Variants in SYNJ2 observed in about 807,000 individuals in gnomAD.
SYNJ2 encodes the protein polyphosphatidylinositol phosphatase SYNJ2.
A neutral mutation model predicts 141.3 loss-of-function variants in SYNJ2; 116 were observed. The observed-to-expected ratio is 0.82, with a 90% CI of 0.71 to 0.96. The LOEUF is 0.96. SYNJ2 is among the 40% of genes least tolerant of loss of function. SYNJ2 has a pLI of 0.00. For synonymous variants in SYNJ2, 745 were observed against 777.7 expected, an observed-to-expected ratio of 0.96 and a Z score of 0.70; for missense variants, 1,873 against 1,934.8, an observed-to-expected ratio of 0.97 and a Z score of 0.60.
At chr6:158,077,953 G>T in intron 17 of SYNJ2, 1 of 434,576 alleles carries the variant, frequency 2.3e-6, no homozygotes, top group Non-Finnish European at 4.2e-6. Flanking sequence ...GCATGGTCAT[G>T]ACTGTTTTGA....
At chr6:158,088,034 A>ATTTTTTTTTTTTTTTTTT (rs568222551) in intron 23 of SYNJ2, among the ~76,000 whole-genome samples, 3 of 31,920 alleles carry the variant, frequency 9.4e-5, no homozygotes, top group Non-Finnish European at 1.4e-4. Flanking sequence ...CTGCTTTGGA[A>ATTTTTTTTTTTTTTTTTT]TTTTTTTTTT....
intron 1 of SYNJ2, among the ~76,000 whole-genome samples, chr6:157,984,859 G>GT (rs1777140867): frequency 6.6e-6 from 1 of 152,186 alleles, no homozygotes; most frequent in Admixed American, 6.5e-5. Flanking sequence ...TTCAGCTGTG[G>GT]TTTTCCTGTG....
intron 7 of SYNJ2, chr6:158,059,579 A>C (rs936801405): frequency 4.8e-5 from 59 of 1,230,512 alleles, no homozygotes; most frequent in Non-Finnish European, 5.9e-5. Flanking sequence ...TTTAAGACAG[A>C]GTTTGGCTCT....
chr6:158,066,299 T>C lies in SYNJ2; in HGVS notation c.1526-145T>C, dbSNP rs138991295. 7.0e-5 allele frequency: 62 copies of C among 889,174 alleles called. No individual in the cohort carries two copies. The East Asian group carries it at 1.6e-3, about 23-fold the overall frequency. 55.1% of individuals were successfully genotyped at this position (889,174 alleles called of 1,614,324 possible). A position where few individuals can be genotyped will look rare whatever the true frequency, so the allele number is the denominator to read the frequency against. On this transcript the variant is annotated intron_variant, in intron 11 of 26. Coordinates refer to ENST00000355585, the MANE Select transcript of SYNJ2 (RefSeq NM_003898.4). ...GTGGTGACCGTGGTTTTAAGCCTTT[T>C]GTCGTCTTCGTAAGGAGCATACCCT...
At chr6:158,089,061 G>A (rs554808537) in intron 24 of SYNJ2, among the ~76,000 whole-genome samples, 1 of 152,234 alleles carries the variant, frequency 6.6e-6, no homozygotes, top group East Asian at 1.9e-4. Context: ...TTGGTGTATG[G>A]GCAGAGCATT....
intron 1 of SYNJ2, among the ~76,000 whole-genome samples, chr6:157,996,095 G>A (rs549368911): frequency 1.3e-5 from 2 of 152,244 alleles, no homozygotes; most frequent in East Asian, 3.9e-4. Flanking sequence ...AAATGTAACA[G>A]GCTGATTTTA....
chr6:157,981,849 C>A (rs1777022671), upstream of SYNJ2: 1 of 971,604 alleles, frequency 1.0e-6, no homozygotes, highest in Non-Finnish European at 1.3e-6. This position sits in a 1 kb window ranked among gnomAD's most constrained non-coding sequence, Gnocchi z 6.4. Context: ...GCGGCGGGAG[C>A]GGCGGCGCAA....
At chr6:158,037,536 G>A (rs2128340858) in intron 4 of SYNJ2, among the ~76,000 whole-genome samples, 1 of 151,736 alleles carries the variant, frequency 6.6e-6, no homozygotes, top group East Asian at 1.9e-4. Context: ...TGAGTAGCTG[G>A]GACTACAGGC....
intron 6 of SYNJ2, among the ~76,000 whole-genome samples, chr6:158,058,290 T>C (rs910277878): frequency 3.9e-5 from 6 of 152,234 alleles, no homozygotes; most frequent in African/African-American, 1.4e-4. Context: ...CTTTTTGCAT[T>C]GTATCATTTC....
intron 5 of SYNJ2, among the ~76,000 whole-genome samples, chr6:158,053,322 C>T (rs1780671465): frequency 6.6e-6 from 1 of 152,220 alleles, no homozygotes; most frequent in Non-Finnish European, 1.5e-5. Context: ...ATGGGAGACA[C>T]TTTGAGACCA....
chr6:158,030,694 C>A (rs1282737678), intron 3 of SYNJ2: 1 of 152,252 alleles, frequency 6.6e-6, no homozygotes, highest in African/African-American at 2.4e-5. Flanking sequence ...CAGTTTGAGA[C>A]CAGCCTGGCC....
chr6:158,074,365 A>T (rs1186111928), intron 15 of SYNJ2, among the ~76,000 whole-genome samples: 1 of 152,150 alleles, frequency 6.6e-6, no homozygotes, highest in Non-Finnish European at 1.5e-5. Flanking sequence ...ACTCAGAAAC[A>T]CTATTATTTA....
chr6:157,991,508 T>C (rs1777423180), intron 1 of SYNJ2, among the ~76,000 whole-genome samples: 1 of 152,238 alleles, frequency 6.6e-6, no homozygotes, highest in Admixed American at 6.5e-5. Flanking sequence ...AGGCTCTTCT[T>C]TCCAGTGGGG....
intron 8 of SYNJ2, 106 bp from the exon 9 acceptor site, chr6:158,063,685 A>C (rs967685134): frequency 1.5e-6 from 1 of 668,590 alleles, no homozygotes; most frequent in Non-Finnish European, 2.4e-6. Flanking sequence ...AAAAAAAAAA[A>C]AACCATGTTT....
In SYNJ2 at chr6:158,043,453, T is replaced by A; in HGVS notation, c.795+54T>A. The stretch of plus-strand genomic sequence containing the variant: ...CTTGTGATGTTGTCCGCCCTGCCCT[T>A]CCCTTCAATAGCTGGGGAAGATTTC... On this transcript the variant is annotated intron_variant, in intron 5 of 26. Transcript: ENST00000355585. The surrounding 1 kb of genome is among the most constrained non-coding windows in gnomAD (Gnocchi z 4.0). 1 of 1,289,168 alleles carries A rather than the reference T, an allele frequency of 7.8e-7. No homozygotes were observed. Among genetic ancestry groups the A allele is most frequent in the Non-Finnish European group, 1.1e-6 (1 of 895,636 alleles). The allele number at this position is 1,289,168 out of a possible 1,614,324, so 79.9% of individuals were successfully genotyped here.
At chr6:158,082,496 A>G (rs12214707) in intron 20 of SYNJ2, among the ~76,000 whole-genome samples, 20,510 of 142,978 alleles carry the variant, frequency 0.14, 1,587 homozygotes, top group Middle Eastern at 0.31. Flanking sequence ...CCAAAAAAAA[A>G]AAAAAAAAAA....
At position 158,040,029 on chromosome 6, in the gene SYNJ2, A is replaced by ACCAC. The variant is rs1407962960; in HGVS notation, c.712-3287_712-3286insCCAC. Reference sequence around the variant, plus strand: ...GCTCCCTGTGGTGGGGACTCTTGGCAGGCGGATCGGCTTCTTAGGAATTAA... The same window carrying ACCAC: ...GCTCCCTGTGGTGGGGACTCTTGGCACCACGGCGGATCGGCTTCTTAGGAATTAA... On this transcript the variant is annotated intron_variant, in intron 4 of 26. Transcript: ENST00000355585. This position sits in a 1 kb window ranked among gnomAD's most constrained non-coding sequence, Gnocchi z 4.2. Among the ~76,000 whole-genome samples, 8 of 152,198 alleles carry ACCAC rather than the reference A, an allele frequency of 5.3e-5. No homozygotes were observed. The highest frequency in any genetic ancestry group is 7.2e-5 in the African/African-American group (3 of 41,446).
intron 18 of SYNJ2, among the ~76,000 whole-genome samples, chr6:158,079,891 T>C (rs550118684): frequency 6.6e-6 from 1 of 152,296 alleles, no homozygotes; most frequent in African/African-American, 2.4e-5. Flanking sequence ...CATGGAATTT[T>C]CTGGACAGGA....
At chr6:157,988,567 G>A (rs950734381) in intron 1 of SYNJ2, among the ~76,000 whole-genome samples, 11 of 152,186 alleles carry the variant, frequency 7.2e-5, no homozygotes, top group South Asian at 2.1e-4. Flanking sequence ...CTTCTGGAGC[G>A]TTCCTGGGGT....
Sources: allele counts gnomAD v4.1 joint callset (sites outside exome capture counted in the v4.1 genomes callset), GRCh38; gene constraint gnomAD v4.1.1; non-coding constraint Gnocchi (gnomAD v3.1); transcripts MANE v1.5; gene names NCBI Gene and HGNC (gene_info 2026-07-23, HGNC 2026-07-21).